The following SGCD variants were observed in gnomAD, a reference collection of about 807,000 sequenced individuals.
The protein encoded by SGCD is delta-sarcoglycan.
Under a neutral mutation model 36.6 loss-of-function variants are expected in SGCD, and 18 were observed. That is an observed-to-expected ratio of 0.49 (90% confidence interval 0.34 to 0.73). The LOEUF (loss-of-function observed/expected upper bound fraction) is 0.73. Ranked by LOEUF, SGCD falls within the 30% of genes least tolerant of loss-of-function variation. The pLI is 0.01. For missense variants in SGCD, 387 were observed against 346.7 expected, an observed-to-expected ratio of 1.12 and a Z score of -0.92; for synonymous variants, 133 against 130.6, an observed-to-expected ratio of 1.02 and a Z score of -0.12.
intron 4 of SGCD, among the ~76,000 whole-genome samples, chr5:156,531,515 G>T (rs187701154): frequency 3.9e-5 from 6 of 152,250 alleles, no homozygotes; most frequent in African/African-American, 9.6e-5. Context: ...CCTTCTTTCT[G>T]TGGGTAAAGA....
intron 3 of SGCD, among the ~76,000 whole-genome samples, chr5:156,301,592 T>C (rs1483592426): frequency 6.6e-6 from 1 of 152,102 alleles, no homozygotes; most frequent in Non-Finnish European, 1.5e-5. Flanking sequence ...GTGCTTACAG[T>C]TACCAGTGAG....
chr5:156,638,494 A>C lies in SGCD; in HGVS notation c.503-8970A>C, dbSNP rs1045898804. 3.3e-5 allele frequency among the ~76,000 whole-genome samples: 5 copies of C among 152,120 alleles called. No homozygotes were observed. In the South Asian group the frequency reaches 1.0e-3, roughly 31 times the overall value. On this transcript the variant is annotated intron_variant, in intron 6 of 8. Transcript: ENST00000337851. ...CCTTGAGCACGGCTCTCTCATGATGATGTCAAGCAGCCTTCTCAGCTTATC... is the reference window on the plus strand; with the variant it reads ...CCTTGAGCACGGCTCTCTCATGATGCTGTCAAGCAGCCTTCTCAGCTTATC...
At chr5:156,364,390 T>A (rs1310589971) in intron 3 of SGCD, among the ~76,000 whole-genome samples, 1 of 151,928 alleles carries the variant, frequency 6.6e-6, no homozygotes. Flanking sequence ...TAATGCGCAA[T>A]GAAATCCATG....
intron 7 of SGCD, among the ~76,000 whole-genome samples, chr5:156,749,135 T>C (rs1757057055): frequency 6.6e-6 from 1 of 152,254 alleles, no homozygotes; most frequent in Middle Eastern, 3.4e-3. Context: ...AAAAACAATG[T>C]TCAAAAGTTC....
At chr5:156,065,384 G>C (rs1183238639) in intron 1 of SGCD, among the ~76,000 whole-genome samples, 1 of 122,698 alleles carries the variant, frequency 8.2e-6, no homozygotes, top group Non-Finnish European at 1.7e-5. Flanking sequence ...AATAGGTGTG[G>C]TGTGGTGCTG....
chr5:156,238,823 C>T (rs1765230887), intron 3 of SGCD, among the ~76,000 whole-genome samples: 2 of 151,960 alleles, frequency 1.3e-5, no homozygotes, highest in African/African-American at 4.8e-5. Flanking sequence ...GTTCTGTAGC[C>T]TATTTTAGAG....
chr5:156,571,813 C>T (rs1001051531), intron 4 of SGCD, among the ~76,000 whole-genome samples: 1 of 152,180 alleles, frequency 6.6e-6, no homozygotes, highest in Non-Finnish European at 1.5e-5. Context: ...TCAGTGGCAT[C>T]GAGTACATTT....
At chr5:156,077,722 T>A (rs1760826269) in intron 1 of SGCD, among the ~76,000 whole-genome samples, 2 of 152,186 alleles carry the variant, frequency 1.3e-5, no homozygotes, top group African/African-American at 4.8e-5. Context: ...CACCCCTAGA[T>A]AATCTCTCCT....
the SGCD span, among the ~76,000 whole-genome samples, chr5:155,820,562 T>C: frequency 6.6e-6 from 1 of 151,942 alleles, no homozygotes; most frequent in African/African-American, 2.4e-5. Flanking sequence ...CCCAGTGTGG[T>C]GGTGTATGCC....
chr5:156,276,682 T>C (rs1486602124), intron 3 of SGCD, among the ~76,000 whole-genome samples: 1 of 152,204 alleles, frequency 6.6e-6, no homozygotes. Context: ...CCCATACTGT[T>C]CTGGAAACAT....
At chr5:155,847,787 A>G in the SGCD span, among the ~76,000 whole-genome samples, 1 of 152,194 alleles carries the variant, frequency 6.6e-6, no homozygotes, top group East Asian at 1.9e-4. Context: ...TGTACAAGCC[A>G]TTTTAGCTCA....
At chr5:155,919,836 G>A (rs1756832529) in intron 1 of SGCD, among the ~76,000 whole-genome samples, 1 of 152,098 alleles carries the variant, frequency 6.6e-6, no homozygotes, top group South Asian at 2.1e-4. Context: ...AGTGCTTACT[G>A]TATGCCAGTC....
rs886042870 is a variant in SGCD at position 156,759,251 on chromosome 5, G to C, written c.734G>C (p.Arg245Thr). ...KLDAAKIRLP[R>T]LPHGSYTPTG... ...GATGCTGCGAAAATCAGGCTACCTAGACTGCCTCATGGATCCTACACGCCT... is the reference window on the plus strand; with the variant it reads ...GATGCTGCGAAAATCAGGCTACCTACACTGCCTCATGGATCCTACACGCCT... The change falls in exon 9 of 9, where the codon AGA becomes ACA. Residue 245 changes from arginine to threonine, a missense_variant. By Grantham distance (71) the Arg-to-Thr change is moderately conservative. Transcript: ENST00000337851. 6.2e-7 allele frequency: 1 copy of C among 1,613,684 alleles called. No individual in the cohort carries two copies. Among genetic ancestry groups the C allele is most frequent in the African/African-American group, 1.3e-5 (1 of 74,886 alleles).
At chr5:156,752,604 G>A (rs900098036) in intron 7 of SGCD, among the ~76,000 whole-genome samples, 20 of 152,162 alleles carry the variant, frequency 1.3e-4, no homozygotes, top group Non-Finnish European at 2.6e-4. Context: ...ATGTTGGCCA[G>A]GCTGGTCTCG....
intron 3 of SGCD, among the ~76,000 whole-genome samples, chr5:156,316,415 A>C (rs1767518970): frequency 6.6e-6 from 1 of 151,980 alleles, no homozygotes; most frequent in Non-Finnish European, 1.5e-5. Context: ...TTCAATCCCT[A>C]CCAAAATTTC....
At chr5:156,161,867 G>A (rs779395125) in intron 3 of SGCD, among the ~76,000 whole-genome samples, 10 of 151,650 alleles carry the variant, frequency 6.6e-5, no homozygotes, top group Non-Finnish European at 1.3e-4. Context: ...AAAGTCAGAT[G>A]TATGAAAATG....
At chr5:156,310,319 G>A (rs1767358260) in intron 3 of SGCD, among the ~76,000 whole-genome samples, 1 of 152,188 alleles carries the variant, frequency 6.6e-6, no homozygotes, top group Non-Finnish European at 1.5e-5. Context: ...CAACACTGGA[G>A]GGTTGTGCAA....
intron 1 of SGCD, among the ~76,000 whole-genome samples, chr5:156,047,922 T>G (rs1404292856): frequency 6.6e-6 from 1 of 152,144 alleles, no homozygotes; most frequent in African/African-American, 2.4e-5. Context: ...TGCTGCACCA[T>G]TAACTCGTCA....
intron 2 of SGCD, 96 bp from the exon 3 acceptor site, chr5:156,344,393 A>G (rs951772977): frequency 3.6e-6 from 3 of 824,564 alleles, no homozygotes; most frequent in Non-Finnish European, 5.7e-6. Flanking sequence ...GCAGCCAGCC[A>G]TATCTCTTCA....
Sources: allele counts gnomAD v4.1 joint callset (sites outside exome capture counted in the v4.1 genomes callset), GRCh38; gene constraint gnomAD v4.1.1; transcripts MANE v1.5; gene names NCBI Gene and HGNC (gene_info 2026-07-23, HGNC 2026-07-21).